Variants in DLG2 observed in about 807,000 individuals in gnomAD.
DLG2 encodes the protein discs large MAGUK scaffold protein 2, also known as disks large homolog 2.
Under a neutral mutation model 132.5 loss-of-function variants are expected in DLG2, and 45 were observed. The ratio of observed to expected loss-of-function variants is 0.34; its 90% CI spans 0.27 to 0.44. The LOEUF is 0.44. Among genes scored for constraint, DLG2 ranks in the 20% least tolerant of loss-of-function variants. The pLI is 1.00. For missense variants in DLG2, 1,045 were observed against 1,196.9 expected (o/e 0.87, Z 1.87); for synonymous variants, 424 against 419.6 (o/e 1.01, Z -0.13).
At chr11:83,966,688 A>G (rs1416630120) in intron 12 of DLG2, among the ~76,000 whole-genome samples, 13 of 152,110 alleles carry the variant, frequency 8.5e-5, no homozygotes, top group Admixed American at 8.5e-4. Flanking sequence ...TAGATAATAA[A>G]GTGGTCACTA....
chr11:83,849,930 T>C (rs2059359716), intron 16 of DLG2, among the ~76,000 whole-genome samples: 4 of 152,224 alleles, frequency 2.6e-5, no homozygotes, highest in African/African-American at 9.6e-5. Flanking sequence ...TACAAGAGCT[T>C]GAAGAGGTCC....
chr11:83,722,462 A>G (rs1387321492), intron 18 of DLG2, among the ~76,000 whole-genome samples: 1 of 152,194 alleles, frequency 6.6e-6, no homozygotes, highest in East Asian at 1.9e-4. Flanking sequence ...GGATATGGAG[A>G]AAGTAGCAAA....
At chr11:84,905,177 G>A (rs988473442) in intron 6 of DLG2, among the ~76,000 whole-genome samples, 5 of 152,096 alleles carry the variant, frequency 3.3e-5, no homozygotes, top group South Asian at 2.1e-4. Context: ...GGGCCACTGC[G>A]CCCTAAAAAT....
intron 7 of DLG2, among the ~76,000 whole-genome samples, chr11:84,350,773 T>C (rs1600398275): frequency 6.6e-6 from 1 of 152,212 alleles, no homozygotes; most frequent in East Asian, 1.9e-4. Flanking sequence ...TTTTCACTTT[T>C]CATACTTATT....
In DLG2 at chr11:83,980,522, C is replaced by T; in HGVS notation, c.1040G>A (p.Gly347Glu). 14 of 1,613,418 alleles carry T rather than the reference C, an allele frequency of 8.7e-6. No individual in the cohort carries two copies. Among genetic ancestry groups the T allele is most frequent in the Non-Finnish European group, 1.1e-5 (13 of 1,179,658 alleles). ...CACACTCACCATTAGTAGTCTATCT[C>T]CTACTTGCAACCTTCCATCTTTTTG... ...AAQKDGRLQV[G>E]DRLLMVNNYS... Residue 347 changes from glycine to glutamate, a missense_variant, in exon 12 of 28, where the codon GGA becomes GAA. Gly to Glu is a moderately conservative substitution (Grantham distance 98, BLOSUM62 -2). This residue lies in a region of DLG2 where 261 missense variants were observed against 256.1 expected (regional missense o/e 1.02). Transcript: ENST00000376104.
At chr11:84,610,300 G>T (rs1363265803) in intron 6 of DLG2, among the ~76,000 whole-genome samples, 1 of 151,890 alleles carries the variant, frequency 6.6e-6, no homozygotes, top group South Asian at 2.1e-4. Flanking sequence ...TCTGTAGTGA[G>T]CATATATTAC....
intron 6 of DLG2, among the ~76,000 whole-genome samples, chr11:85,017,773 A>G (rs976121742): frequency 9.9e-5 from 15 of 152,158 alleles, no homozygotes; most frequent in African/African-American, 3.4e-4. Context: ...GGATGCAAAC[A>G]AACACTTGCC....
At chr11:83,771,158 C>T (rs1318935371) in intron 18 of DLG2, among the ~76,000 whole-genome samples, 1 of 152,146 alleles carries the variant, frequency 6.6e-6, no homozygotes, top group East Asian at 1.9e-4. Context: ...TTATTTCTCA[C>T]TAATAGTTAC....
At chr11:85,364,335 T>G (rs1289798375) in intron 3 of DLG2, among the ~76,000 whole-genome samples, 1 of 152,200 alleles carries the variant, frequency 6.6e-6, no homozygotes, top group African/African-American at 2.4e-5. Flanking sequence ...TCTGCCAGTA[T>G]GCAGAGCAGA....
chr11:84,527,073 C>T lies in DLG2; in HGVS notation c.519+7497G>A, dbSNP rs1056847515. ...GATTACAGGCGTGAGCCACCGCTCC[C>T]GGCCCCACTGGGGGTCTTAAAATGC... On this transcript the variant is annotated intron_variant, in intron 7 of 27. Coordinates refer to ENST00000376104, the MANE Select transcript of DLG2 (RefSeq NM_001142699.3). 3.9e-5 allele frequency among the ~76,000 whole-genome samples: 6 copies of T among 151,994 alleles called. No homozygotes were observed. The East Asian group carries it at 9.7e-4, about 25-fold the overall frequency.
chr11:85,572,633 TC>T (rs1462703736), intron 3 of DLG2, among the ~76,000 whole-genome samples: 1 of 152,186 alleles, frequency 6.6e-6, no homozygotes, highest in East Asian at 1.9e-4. Context: ...ATTCAAGATT[TC>T]CTTCTGGGAA....
intron 10 of DLG2, among the ~76,000 whole-genome samples, chr11:84,065,771 T>C (rs1358980075): frequency 2.0e-5 from 3 of 152,188 alleles, no homozygotes; most frequent in Non-Finnish European, 4.4e-5. Context: ...CACACATATG[T>C]TCAACACAGC....
intron 6 of DLG2, among the ~76,000 whole-genome samples, chr11:84,974,959 G>A (rs918635401): frequency 2.6e-5 from 4 of 152,184 alleles, no homozygotes; most frequent in Admixed American, 6.5e-5. Flanking sequence ...TAGTGTGAGA[G>A]GTGTGTCAGA....
chr11:83,693,266 C>A (rs1007339307), intron 18 of DLG2, among the ~76,000 whole-genome samples: 1 of 152,108 alleles, frequency 6.6e-6, no homozygotes, highest in Non-Finnish European at 1.5e-5. Flanking sequence ...TGAGTGCACA[C>A]AGGAAAAGTT....
At chr11:84,859,412 ATATG>A (rs2083290288) in intron 6 of DLG2, among the ~76,000 whole-genome samples, 1 of 144,836 alleles carries the variant, frequency 6.9e-6, no homozygotes, top group Non-Finnish European at 1.5e-5. Flanking sequence ...ATATACATAT[ATATG>A]TATACATATA....
chr11:85,492,530 T>C (rs1440873879), intron 3 of DLG2, among the ~76,000 whole-genome samples: 1 of 152,200 alleles, frequency 6.6e-6, no homozygotes, highest in Non-Finnish European at 1.5e-5. Flanking sequence ...TCTTTTAACA[T>C]TAATATTCCA....
At chr11:84,146,088 C>T (rs1410208492) in intron 9 of DLG2, among the ~76,000 whole-genome samples, 1 of 152,144 alleles carries the variant, frequency 6.6e-6, no homozygotes, top group African/African-American at 2.4e-5. Context: ...AATTTGCAGA[C>T]CTGTCCCTAG....
At chr11:83,642,929 T>C (rs1248713424) in intron 18 of DLG2, among the ~76,000 whole-genome samples, 5 of 152,086 alleles carry the variant, frequency 3.3e-5, no homozygotes, top group African/African-American at 2.4e-5. Context: ...CAGTTGTAAA[T>C]GGCATAGTCC....
At chr11:85,365,937 G>A (rs1453021001) in intron 3 of DLG2, among the ~76,000 whole-genome samples, 1 of 152,164 alleles carries the variant, frequency 6.6e-6, no homozygotes, top group Non-Finnish European at 1.5e-5. Flanking sequence ...CTGCCAGGAG[G>A]TGGGGGGCTA....
Sources: gnomAD v4.1 joint callset for allele counts (sites outside exome capture counted in the v4.1 genomes callset) on GRCh38, gnomAD v4.1.1 for gene constraint, gnomAD v4.1.1 regional missense constraint, MANE v1.5 for transcripts, NCBI Gene and HGNC (gene_info 2026-07-23, HGNC 2026-07-21) for gene names.